ADAMTS12: variants seen among roughly 807,000 people sequenced by gnomAD.
ADAMTS12 encodes A disintegrin and metalloproteinase with thrombospondin motifs 12.
ADAMTS12 carries 118 observed loss-of-function variants against 167.8 expected under a neutral mutation model. The ratio of observed to expected loss-of-function variants is 0.70; its 90% CI spans 0.61 to 0.82. ADAMTS12 has a LOEUF of 0.82. ADAMTS12 is among the 40% of genes least tolerant of loss of function. The pLI is 0.00. For missense variants in ADAMTS12, 1,916 were observed against 1,998.8 expected (o/e 0.96, Z 0.79); for synonymous variants, 704 against 716.9 (o/e 0.98, Z 0.29).
chr5:33,815,384 A>G (rs1747612369), intron 2 of ADAMTS12, among the ~76,000 whole-genome samples: 1 of 152,214 alleles, frequency 6.6e-6, no homozygotes, highest in Non-Finnish European at 1.5e-5. Flanking sequence ...TAGTGCCATT[A>G]TAAGATGAAG....
At chr5:33,540,188 C>T (rs922971619) in intron 22 of ADAMTS12, among the ~76,000 whole-genome samples, 5 of 152,248 alleles carry the variant, frequency 3.3e-5, no homozygotes, top group South Asian at 2.1e-4. Context: ...CCCACACTCA[C>T]GGAGCCTTGC....
At chr5:33,859,699 C>T (rs1004260479) in intron 2 of ADAMTS12, among the ~76,000 whole-genome samples, 1 of 152,198 alleles carries the variant, frequency 6.6e-6, no homozygotes, top group African/African-American at 2.4e-5. Flanking sequence ...CTCTAACCCC[C>T]ATGCCTCCTG....
intron 5 of ADAMTS12, among the ~76,000 whole-genome samples, chr5:33,676,683 TAC>T (rs141431526): frequency 8.1e-5 from 11 of 136,364 alleles, no homozygotes; most frequent in Admixed American, 1.5e-4. Flanking sequence ...CTGTCTATCT[TAC>T]ACACACACAC....
intron 18 of ADAMTS12, among the ~76,000 whole-genome samples, chr5:33,584,031 G>A (rs1747208894): frequency 6.6e-6 from 1 of 152,184 alleles, no homozygotes; most frequent in South Asian, 2.1e-4. Flanking sequence ...AGATATTTGA[G>A]ATGCAGTATG....
chr5:33,883,311 GTTT>G (rs1447865864), intron 1 of ADAMTS12, among the ~76,000 whole-genome samples: 6 of 110,850 alleles, frequency 5.4e-5, no homozygotes, highest in East Asian at 2.6e-4. Context: ...TTGTTTGTTT[GTTT>G]GGTTTTTTTT....
chr5:33,560,812 C>T (rs1483334301), intron 20 of ADAMTS12, among the ~76,000 whole-genome samples: 5 of 149,432 alleles, frequency 3.3e-5, no homozygotes, highest in Non-Finnish European at 5.9e-5. Flanking sequence ...GGAGATATAC[C>T]TAATGTAAAT....
At chr5:33,679,205 G>A (rs1742024414) in intron 5 of ADAMTS12, among the ~76,000 whole-genome samples, 2 of 152,184 alleles carry the variant, frequency 1.3e-5, no homozygotes, top group Admixed American at 1.3e-4. Flanking sequence ...TATGTCCACT[G>A]CCTCTCATAT....
intron 2 of ADAMTS12, among the ~76,000 whole-genome samples, chr5:33,866,536 G>A (rs1322233574): frequency 6.6e-6 from 1 of 152,056 alleles, no homozygotes; most frequent in Non-Finnish European, 1.5e-5. Context: ...ATTGGCCTAT[G>A]CAAAATATTT....
At chr5:33,672,162 CAT>C in intron 5 of ADAMTS12, among the ~76,000 whole-genome samples, 1 of 150,816 alleles carries the variant, frequency 6.6e-6, no homozygotes, top group African/African-American at 2.4e-5. Flanking sequence ...CACATACTCA[CAT>C]ACACACATAC....
At chr5:33,727,260 G>A (rs1304022140) in intron 3 of ADAMTS12, among the ~76,000 whole-genome samples, 1 of 151,964 alleles carries the variant, frequency 6.6e-6, no homozygotes, top group African/African-American at 2.4e-5. Context: ...CCTGGGTGAC[G>A]ACGCGTGTGT....
intron 2 of ADAMTS12, among the ~76,000 whole-genome samples, chr5:33,849,866 A>G (rs187674176): frequency 3.3e-5 from 5 of 151,592 alleles, no homozygotes; most frequent in Admixed American, 2.0e-4. Context: ...TTGTATCAAT[A>G]TATATATGTA....
At chr5:33,650,727 G>A (rs1257121122) in intron 7 of ADAMTS12, among the ~76,000 whole-genome samples, 1 of 152,156 alleles carries the variant, frequency 6.6e-6, no homozygotes, top group African/African-American at 2.4e-5. Flanking sequence ...CAATTCAGAA[G>A]CCTTTGTTTA....
chr5:33,610,802 C>T (rs1053074222), intron 16 of ADAMTS12, among the ~76,000 whole-genome samples: 2 of 152,178 alleles, frequency 1.3e-5, no homozygotes, highest in Non-Finnish European at 2.9e-5. Flanking sequence ...CACAGTGGCT[C>T]ATGCCTGTAA....
At chr5:33,664,483 G>A (rs1188317762) in intron 5 of ADAMTS12, among the ~76,000 whole-genome samples, 2 of 152,160 alleles carry the variant, frequency 1.3e-5, no homozygotes, top group South Asian at 2.1e-4. Context: ...ATTGAAAAAT[G>A]GGCAAAGGAC....
At chr5:33,807,583 A>T (rs924493108) in intron 2 of ADAMTS12, among the ~76,000 whole-genome samples, 1 of 152,218 alleles carries the variant, frequency 6.6e-6, no homozygotes, top group Non-Finnish European at 1.5e-5. Context: ...GGTGGTGTTG[A>T]CTTAATTATT....
intron 9 of ADAMTS12, among the ~76,000 whole-genome samples, chr5:33,646,512 G>A (rs1232656898): frequency 6.6e-6 from 1 of 152,154 alleles, no homozygotes; most frequent in African/African-American, 2.4e-5. Context: ...GTGGTCAAAT[G>A]TTACTCCTGA....
At chr5:33,854,308 C>A (rs1418283759) in intron 2 of ADAMTS12, among the ~76,000 whole-genome samples, 1 of 152,176 alleles carries the variant, frequency 6.6e-6, no homozygotes. Flanking sequence ...AAATATTAAT[C>A]CATGAATATC....
chr5:33,710,900 A>G (rs964079624), intron 3 of ADAMTS12, among the ~76,000 whole-genome samples: 1 of 152,184 alleles, frequency 6.6e-6, no homozygotes, highest in Admixed American at 6.5e-5. Context: ...ATTTTCAGAA[A>G]GAGGATTGGT....
At chr5:33,771,046 TA>T (rs1471449046) in intron 2 of ADAMTS12, among the ~76,000 whole-genome samples, 2 of 152,136 alleles carry the variant, frequency 1.3e-5, no homozygotes, top group Non-Finnish European at 2.9e-5. Context: ...CAGGCAGGCA[TA>T]TATTTACAGG....
Sources: gnomAD v4.1 joint callset for allele counts (sites outside exome capture counted in the v4.1 genomes callset) on GRCh38, gnomAD v4.1.1 for gene constraint, MANE v1.5 for transcripts, NCBI Gene and HGNC (gene_info 2026-07-23, HGNC 2026-07-21) for gene names.